The following RMP64 variants were observed in gnomAD, a reference collection of about 807,000 sequenced individuals.
The protein encoded by RMP64 is ribonuclease MRP subunit p64, also known as nucleolus and neural progenitor protein.
At chr3:113,003,360 T>A in the RMP64 span, 1 of 152,092 alleles carries the variant, frequency 6.6e-6, no homozygotes, top group African/African-American at 2.4e-5. Context: ...ATAATAATAA[T>A]AATTCACTAC....
chr3:113,008,824 G>A, the RMP64 span: 1 of 170,244 alleles, frequency 5.9e-6, no homozygotes, highest in Non-Finnish European at 1.3e-5. Flanking sequence ...GATTGACATA[G>A]GAAAGTTAAC....
the RMP64 span, chr3:113,011,200 T>C: frequency 1.2e-4 from 186 of 1,613,308 alleles, no homozygotes; most frequent in African/African-American, 2.1e-3. Flanking sequence ...ATTTAGCAAT[T>C]TATTTATTCC....
chr3:113,004,344 C>T, the RMP64 span: 1 of 152,150 alleles, frequency 6.6e-6, no homozygotes, highest in Non-Finnish European at 1.5e-5. Context: ...TAATCTGCAT[C>T]TTTTAGCAAC....
the RMP64 span, chr3:113,011,379 C>T: frequency 6.3e-7 from 1 of 1,595,686 alleles, no homozygotes; most frequent in South Asian, 1.1e-5. Flanking sequence ...ACAAAATCAA[C>T]CTTTTTAAGA....
chr3:113,014,357 A>AT, the RMP64 span: 15,418 of 163,242 alleles, frequency 0.094, 1,105 homozygotes, highest in East Asian at 0.35. Context: ...CTAAGACAAG[A>AT]TTTTTTTTTT....
chr3:113,016,514 A>G, the RMP64 span, among the ~76,000 whole-genome samples: 71 of 152,222 alleles, frequency 4.7e-4, 1 homozygote, highest in Non-Finnish European at 8.8e-4. Flanking sequence ...AGAAGGAGAA[A>G]TATATTCACT....
At chr3:113,016,193 G>C in the RMP64 span, among the ~76,000 whole-genome samples, 1 of 152,126 alleles carries the variant, frequency 6.6e-6, no homozygotes, top group African/African-American at 2.4e-5. Flanking sequence ...AAGAAGTTTG[G>C]TCTTTACTCA....
chr3:113,007,952 C>A, the RMP64 span, among the ~76,000 whole-genome samples: 1 of 152,200 alleles, frequency 6.6e-6, no homozygotes, highest in Non-Finnish European at 1.5e-5. Flanking sequence ...AAGAGCATAA[C>A]GGGGACTGAA....
chr3:113,005,929 T>G, the RMP64 span: 1 of 1,613,914 alleles, frequency 6.2e-7, no homozygotes, highest in Non-Finnish European at 8.5e-7. Context: ...GATGATGCTT[T>G]GAAGTTTTGA....
chr3:113,017,218 G>A, the RMP64 span, among the ~76,000 whole-genome samples: 1 of 152,066 alleles, frequency 6.6e-6, no homozygotes, highest in East Asian at 1.9e-4. Flanking sequence ...ACAAGACTGG[G>A]AAAGAATCTA....
the RMP64 span, chr3:113,005,620 C>T: frequency 1.2e-6 from 2 of 1,613,832 alleles, no homozygotes; most frequent in African/African-American, 1.3e-5. Flanking sequence ...TTATTTGCAT[C>T]ACCGTCCACG....
the RMP64 span, chr3:113,010,656 T>C: frequency 5.3e-5 from 86 of 1,613,392 alleles, no homozygotes; most frequent in Non-Finnish European, 6.7e-5. Flanking sequence ...AGTAGCTTTG[T>C]GTTTCAGCTG....
At chr3:113,011,479 T>C in the RMP64 span, 305 of 1,352,384 alleles carry the variant, frequency 2.3e-4, no homozygotes, top group Non-Finnish European at 2.8e-4. Flanking sequence ...AACTGCAAGA[T>C]TGAAAGCTGA....
chr3:113,009,597 AAAG>A, the RMP64 span: 2 of 152,340 alleles, frequency 1.3e-5, no homozygotes, highest in Admixed American at 6.5e-5. Context: ...GGTGAATAGT[AAAG>A]AAGAAAGACT....
the RMP64 span, chr3:113,013,184 AGT>A: frequency 2.2e-5 from 30 of 1,388,510 alleles, no homozygotes; most frequent in Admixed American, 1.1e-4. Context: ...ACTCCTATGG[AGT>A]GTTAGCTTTC....
the RMP64 span, chr3:113,013,104 TG>T: frequency 1.4e-6 from 1 of 696,476 alleles, no homozygotes; most frequent in Non-Finnish European, 2.5e-6. Context: ...TCTCTGGCAA[TG>T]GCTGCATCAG....
the RMP64 span, chr3:113,010,896 T>TGG: frequency 1.2e-6 from 1 of 846,896 alleles, no homozygotes; most frequent in Non-Finnish European, 1.8e-6. Context: ...AGCACAGGTA[T>TGG]TACCATACCT....
chr3:113,012,759 T>C, the RMP64 span: 6 of 1,606,786 alleles, frequency 3.7e-6, no homozygotes, highest in Non-Finnish European at 5.1e-6. Flanking sequence ...AGCCCAACCA[T>C]CACAAGGTTT....
the RMP64 span, chr3:113,008,559 G>T: frequency 1.4e-6 from 1 of 729,662 alleles, no homozygotes; most frequent in Non-Finnish European, 2.3e-6. Flanking sequence ...TGCTTGAAGT[G>T]ATGGATACCC....
Sources: allele counts gnomAD v4.1 joint callset (sites outside exome capture counted in the v4.1 genomes callset), GRCh38; gene constraint gnomAD v4.1.1; transcripts MANE v1.5; gene names NCBI Gene and HGNC (gene_info 2026-07-23, HGNC 2026-07-21).